The following GPHN variants were observed in gnomAD, a reference collection of about 807,000 sequenced individuals.
GPHN encodes gephyrin.
In GPHN, 17 loss-of-function variants were observed where a neutral mutation model predicts 95.5. That is an observed-to-expected ratio of 0.18 (90% CI 0.12 to 0.27). The LOEUF (loss-of-function observed/expected upper bound fraction) is 0.27, where lower values mean the gene tolerates loss of function less well. Ranked by LOEUF, GPHN falls within the 10% of genes least tolerant of loss-of-function variation. GPHN has a pLI of 1.00. For missense variants in GPHN, 660 were observed against 978.1 expected, an observed-to-expected ratio of 0.67 and a Z score of 4.34; for synonymous variants, 320 against 322.5, an observed-to-expected ratio of 0.99 and a Z score of 0.08.
chr14:67,321,326 A>G, the GPHN span: 1 of 1,509,522 alleles, frequency 6.6e-7, no homozygotes, highest in Non-Finnish European at 9.2e-7. Flanking sequence ...ATCTAGTGGA[A>G]GCTATATTTT....
At chr14:67,447,957 G>C in the GPHN span, 2 of 151,952 alleles carry the variant, frequency 1.3e-5, no homozygotes, top group Non-Finnish European at 2.9e-5. Context: ...AGATGACAAA[G>C]CTTCAGAATA....
chr14:67,144,286 T>TATACATATATATATATATATATAC (rs1421893686), intron 18 of GPHN, among the ~76,000 whole-genome samples: 3 of 78,124 alleles, frequency 3.8e-5, no homozygotes. Context: ...TATATATATA[T>TATACATATATATATATATATATAC]ACACACACAC....
At chr14:67,338,882 T>C in the GPHN span, 21 of 769,448 alleles carry the variant, frequency 2.7e-5, no homozygotes, top group Non-Finnish European at 3.5e-5. Flanking sequence ...CCTGGTACTT[T>C]TATTAATTTC....
chr14:67,141,026 A>G (rs1247501372), intron 17 of GPHN, among the ~76,000 whole-genome samples: 3 of 151,982 alleles, frequency 2.0e-5, no homozygotes, highest in South Asian at 4.1e-4. Context: ...TTCTACCTTC[A>G]GTTAATACCT....
At chr14:67,273,624 T>C in the GPHN span, among the ~76,000 whole-genome samples, 1 of 152,240 alleles carries the variant, frequency 6.6e-6, no homozygotes, top group East Asian at 1.9e-4. Flanking sequence ...TTATAATCCT[T>C]TGGGTATATA....
At chr14:66,624,677 G>A (rs1381792341) in intron 1 of GPHN, among the ~76,000 whole-genome samples, 4 of 152,154 alleles carry the variant, frequency 2.6e-5, no homozygotes, top group African/African-American at 9.7e-5. Context: ...TTTTTCTATT[G>A]CTCTTAGCTT....
downstream of GPHN, among the ~76,000 whole-genome samples, chr14:67,184,127 C>T (rs1251675926): frequency 1.3e-5 from 2 of 152,170 alleles, no homozygotes; most frequent in Non-Finnish European, 2.9e-5. Flanking sequence ...ACTCAGCCTA[C>T]AGTCTATCTT....
the GPHN span, chr14:67,225,408 G>A: frequency 3.9e-6 from 2 of 514,200 alleles, no homozygotes; most frequent in Non-Finnish European, 3.1e-6. Context: ...AATGTTAGGG[G>A]TTTGTTGTGG....
the GPHN span, chr14:67,599,942 C>G: frequency 8.2e-7 from 1 of 1,219,232 alleles, no homozygotes; most frequent in Non-Finnish European, 1.1e-6. Context: ...ACCAGAGGTC[C>G]GGGCTCGACC....
At chr14:67,064,066 G>C (rs113438344) in intron 11 of GPHN, among the ~76,000 whole-genome samples, 3 of 152,078 alleles carry the variant, frequency 2.0e-5, no homozygotes, top group African/African-American at 7.2e-5. Context: ...ATTGGCTGTG[G>C]GTTTGTCATA....
the GPHN span, among the ~76,000 whole-genome samples, chr14:67,425,914 A>T: frequency 1.3e-5 from 2 of 151,476 alleles, no homozygotes; most frequent in Admixed American, 1.3e-4. Flanking sequence ...TCAAAAAAAA[A>T]ATTTTTTTTT....
At chr14:67,197,597 C>G in the GPHN span, among the ~76,000 whole-genome samples, 47 of 152,124 alleles carry the variant, frequency 3.1e-4, no homozygotes, top group Admixed American at 2.1e-3. Flanking sequence ...GACTTAGAGT[C>G]TCATAAGGAG....
At chr14:66,589,026 G>C (rs140830210) in intron 1 of GPHN, among the ~76,000 whole-genome samples, 3 of 151,772 alleles carry the variant, frequency 2.0e-5, no homozygotes, top group African/African-American at 7.2e-5. Flanking sequence ...CAGACTAACA[G>C]TGGATCTCTC....
chr14:67,620,975 T>A, the GPHN span: 16 of 1,613,038 alleles, frequency 9.9e-6, no homozygotes, highest in Non-Finnish European at 1.3e-5. Flanking sequence ...GGGTAAGTGG[T>A]TAGATTTTTA....
the GPHN span, chr14:67,343,287 A>G: frequency 9.8e-7 from 1 of 1,024,392 alleles, no homozygotes; most frequent in Admixed American, 2.1e-5. Flanking sequence ...TTCAGTCTTC[A>G]GTACAGTCCC....
At chr14:67,620,823 C>G in the GPHN span, 1 of 1,521,094 alleles carries the variant, frequency 6.6e-7, no homozygotes, top group South Asian at 1.1e-5. Flanking sequence ...CTGCTGGGAA[C>G]TAAATGTACC....
At chr14:67,293,814 T>TG in the GPHN span, among the ~76,000 whole-genome samples, 6 of 152,188 alleles carry the variant, frequency 3.9e-5, no homozygotes, top group African/African-American at 1.4e-4. Flanking sequence ...TAATCATTCC[T>TG]GTCCCTTTTA....
chr14:66,871,790 G>T (rs970836798), intron 4 of GPHN, among the ~76,000 whole-genome samples: 8 of 152,100 alleles, frequency 5.3e-5, no homozygotes, highest in Non-Finnish European at 1.5e-5. Context: ...TGAGGGGGAA[G>T]GGGAGGGAGG....
the GPHN span, chr14:67,393,295 A>C: frequency 1.6e-6 from 2 of 1,242,378 alleles, no homozygotes; most frequent in Non-Finnish European, 1.2e-6. Context: ...GGGCAGGTAT[A>C]AGGGAGGGTC....
Sources: gnomAD v4.1 joint callset for allele counts (sites outside exome capture counted in the v4.1 genomes callset) on GRCh38, gnomAD v4.1.1 for gene constraint, MANE v1.5 for transcripts, NCBI Gene and HGNC (gene_info 2026-07-23, HGNC 2026-07-21) for gene names.